The following ODF1 variants were observed in gnomAD, a reference collection of about 807,000 sequenced individuals.
ODF1 encodes outer dense fiber of sperm tails 1.
ODF1 carries 10 observed loss-of-function variants against 24.0 expected under a neutral mutation model. That is an observed-to-expected ratio of 0.42 (90% CI 0.26 to 0.71). The LOEUF (loss-of-function observed/expected upper bound fraction) is 0.71, where lower values mean the gene tolerates loss of function less well. ODF1 is among the 30% of genes least tolerant of loss of function. The pLI is 0.28. For missense variants in ODF1, 282 were observed against 307.9 expected, an observed-to-expected ratio of 0.92 and a Z score of 0.63; for synonymous variants, 118 against 121.3, an observed-to-expected ratio of 0.97 and a Z score of 0.18.
intron 1 of ODF1, among the ~76,000 whole-genome samples, chr8:102,553,003 GA>G (rs1587810203): frequency 8.5e-5 from 7 of 81,994 alleles, no homozygotes; most frequent in East Asian, 2.4e-4. Context: ...TAGATAGATA[GA>G]TAGATAGATA....
intron 1 of ODF1, among the ~76,000 whole-genome samples, chr8:102,558,311 G>A (rs181733898): frequency 3.9e-4 from 59 of 152,216 alleles, no homozygotes; most frequent in African/African-American, 1.1e-3. Flanking sequence ...ATAATTAGCC[G>A]AGCATGGTGG....
chr8:102,558,881 C>A (rs1826145433), intron 1 of ODF1, among the ~76,000 whole-genome samples: 1 of 151,198 alleles, frequency 6.6e-6, no homozygotes, highest in South Asian at 2.1e-4. Flanking sequence ...TATTTTGAGT[C>A]TTCTACAATG....
chr8:102,559,916 A>G (rs983652063), intron 1 of ODF1, among the ~76,000 whole-genome samples: 4 of 150,674 alleles, frequency 2.7e-5, no homozygotes, highest in African/African-American at 9.8e-5. Flanking sequence ...ATCTATATAA[A>G]TATAAAATAT....
In ODF1 at chr8:102,560,761, C is replaced by T. The variant is rs1297677376; in HGVS notation, c.630C>T (p.Ser210=). The T allele has an allele frequency of 1.3e-6, 2 of 1,569,698 alleles. No homozygotes were observed. The highest frequency in any genetic ancestry group is 1.7e-6 in the Non-Finnish European group (2 of 1,154,680). Reference sequence around the variant, plus strand: ...GCTACCCTTGCACTTCTCCTTGCAGCCCCTGCAGCCCCTGCAGCCCCTGCA... The same window carrying T: ...GCTACCCTTGCACTTCTCCTTGCAGTCCCTGCAGCCCCTGCAGCCCCTGCA... ...SPCYPCTSPC[S]PCSPCSPCNP... Residue 210 remains serine (S), a synonymous_variant, in exon 2 of 2, where the codon AGC becomes AGT. Coordinates refer to ENST00000285402, the MANE Select transcript of ODF1 (RefSeq NM_024410.4).
chr8:102,558,441 G>A (rs150149170), intron 1 of ODF1, among the ~76,000 whole-genome samples: 2,398 of 152,064 alleles, frequency 0.016, 55 homozygotes, highest in African/African-American at 0.053. Flanking sequence ...GCAACAGAGC[G>A]AGACCCCGTC....
chr8:102,558,184 G>A (rs1258748458), intron 1 of ODF1, among the ~76,000 whole-genome samples: 5 of 152,228 alleles, frequency 3.3e-5, no homozygotes, highest in African/African-American at 1.2e-4. Flanking sequence ...GGGCGCGGTG[G>A]CTCACGCCTG....
At chr8:102,552,713 G>A (rs556999579) in intron 1 of ODF1, among the ~76,000 whole-genome samples, 1 of 152,266 alleles carries the variant, frequency 6.6e-6, no homozygotes, top group East Asian at 1.9e-4. Flanking sequence ...TAATTAAAAA[G>A]AGTCAGTTTT....
At position 102,551,610 on chromosome 8, in the gene ODF1, G is replaced by A. The variant is rs938734369; in HGVS notation, c.-118G>A. Reference sequence around the variant, plus strand: ...TCATAGAACACAAGCTTTAAAGTAAGTGAATCATGTGTGCCTCATTTATTT... The same window carrying A: ...TCATAGAACACAAGCTTTAAAGTAAATGAATCATGTGTGCCTCATTTATTT... On this transcript the variant is annotated 5_prime_UTR_variant, in exon 1 of 2. The change creates a new upstream start codon in the 5' untranslated region. Coordinates refer to ENST00000285402, the MANE Select transcript of ODF1 (RefSeq NM_024410.4). 4 of 729,694 alleles carry A rather than the reference G, an allele frequency of 5.5e-6. No individual in the cohort carries two copies. The highest frequency in any genetic ancestry group is 3.1e-4 in the Middle Eastern group (1 of 3,274). 45.2% of individuals were successfully genotyped at this position (729,694 alleles called of 1,614,324 possible).
At position 102,551,977 on chromosome 8, in the gene ODF1, C is replaced by T; in HGVS notation, c.250C>T (p.Arg84Ter). The T allele has an allele frequency of 2.5e-6, 4 of 1,613,612 alleles. No individual in the cohort carries two copies. The highest frequency in any genetic ancestry group is 3.4e-6 in the Non-Finnish European group (4 of 1,179,610). The stretch of plus-strand genomic sequence containing the variant: ...GTGTGATTATAAGCTTTACTGTCTG[C>T]GACCATCTCTCAGAAGTTTGGAGAG... ...CLCDYKLYCL[R>*]PSLRSLERKA... The change falls in exon 1 of 2, where the codon CGA (arginine) becomes TGA (stop). Residue 84 changes from arginine (R) to a stop codon, truncating the protein, a stop_gained. Transcript: ENST00000285402. LOFTEE classifies it high-confidence loss of function.
intron 1 of ODF1, among the ~76,000 whole-genome samples, chr8:102,552,554 C>T (rs1826055390): frequency 6.6e-6 from 1 of 152,040 alleles, no homozygotes; most frequent in Admixed American, 6.6e-5. Context: ...CTCCTATCCC[C>T]CCACTCCAGG....
Position 102,551,744 on chromosome 8 carries a change from G to T in ODF1, c.17G>T (p.Cys6Phe). The T allele has an allele frequency of 6.3e-7, 1 of 1,598,498 alleles. No individual in the cohort carries two copies. Among genetic ancestry groups the T allele is most frequent in the Non-Finnish European group, 8.6e-7 (1 of 1,168,656 alleles). Residue 6 changes from cysteine (C) to phenylalanine (F), a missense_variant, in exon 1 of 2, where the codon TGT (cysteine) becomes TTT (phenylalanine). Physicochemically the swap from Cys to Phe is radical, Grantham distance 205. Coordinates refer to ENST00000285402, the MANE Select transcript of ODF1 (RefSeq NM_024410.4). MAALS[C>F]LLDSVRRDIK... ...GTGACCATAATGGCTGCACTGAGTT[G>T]TCTCTTGGACAGTGTCAGAAGGGAC...
intron 1 of ODF1, among the ~76,000 whole-genome samples, chr8:102,557,984 C>T (rs2131031427): frequency 6.6e-6 from 1 of 152,292 alleles, no homozygotes; most frequent in African/African-American, 2.4e-5. Context: ...ATTTTCTGCC[C>T]ATCCAGCAAG....
chr8:102,552,445 T>C (rs1260150335), intron 1 of ODF1, among the ~76,000 whole-genome samples: 1 of 152,064 alleles, frequency 6.6e-6, no homozygotes, highest in African/African-American at 2.4e-5. Context: ...GGAGAAGTAA[T>C]AATAATAGAT....
intron 1 of ODF1, 89 bp downstream of exon 1, chr8:102,552,136 A>G: frequency 1.1e-6 from 1 of 937,208 alleles, no homozygotes; most frequent in South Asian, 1.8e-5. Context: ...CAATAGTTGA[A>G]CAAAGATTAA....
chr8:102,553,006 AGATAGATAGATG>A (rs1206997564), intron 1 of ODF1, among the ~76,000 whole-genome samples: 50 of 84,516 alleles, frequency 5.9e-4, no homozygotes, highest in African/African-American at 1.4e-3. Flanking sequence ...ATAGATAGAT[AGATAGATAGATG>A]ATAGATAGAT....
At position 102,560,927 on chromosome 8, in the gene ODF1, C is replaced by A. The variant is rs764815066; in HGVS notation, c.*43C>A. 1.1e-5 allele frequency: 17 copies of A among 1,525,962 alleles called. No homozygotes were observed. The Middle Eastern group carries it at 5.3e-4, about 47-fold the overall frequency. The allele number at this position is 1,525,962 out of a possible 1,614,324, so 94.5% of individuals were successfully genotyped here. On this transcript the variant is annotated 3_prime_UTR_variant, in exon 2 of 2. Coordinates refer to ENST00000285402, the MANE Select transcript of ODF1 (RefSeq NM_024410.4). Reference sequence around the variant, plus strand: ...ATTACTTAATAGAAGTCAGTTACTCCAGCCAGGCAGCTCTCCCAATGTTTC... The same window carrying A: ...ATTACTTAATAGAAGTCAGTTACTCAAGCCAGGCAGCTCTCCCAATGTTTC...
At chr8:102,559,973 GTAA>G (rs1826157467) in intron 1 of ODF1, among the ~76,000 whole-genome samples, 1 of 150,884 alleles carries the variant, frequency 6.6e-6, no homozygotes, top group Non-Finnish European at 1.5e-5. Context: ...TTTAATTACA[GTAA>G]TAATAATGAG....
intron 1 of ODF1, among the ~76,000 whole-genome samples, chr8:102,560,063 C>T (rs1826158376): frequency 5.3e-5 from 8 of 151,338 alleles, no homozygotes. Context: ...ATCTAATCCT[C>T]CAATAGCCCT....
intron 1 of ODF1, among the ~76,000 whole-genome samples, chr8:102,557,043 G>T (rs1300142247): frequency 6.6e-6 from 1 of 152,210 alleles, no homozygotes; most frequent in East Asian, 1.9e-4. Context: ...GAGTTTGGTT[G>T]TACATCCGGG....
Sources: gnomAD v4.1 joint callset for allele counts (sites outside exome capture counted in the v4.1 genomes callset) on GRCh38, gnomAD v4.1.1 for gene constraint, MANE v1.5 for transcripts, NCBI Gene and HGNC (gene_info 2026-07-23, HGNC 2026-07-21) for gene names.